The following TMEM65 variants were observed in gnomAD, a reference collection of about 807,000 sequenced individuals.
TMEM65 encodes transmembrane protein 65.
A neutral mutation model predicts 25.4 loss-of-function variants in TMEM65; 22 were observed. The ratio of observed to expected loss-of-function variants is 0.86; its 90% confidence interval spans 0.62 to 1.23. The LOEUF is 1.23. TMEM65 is among the 50% of genes most tolerant of loss of function. The pLI, the probability that TMEM65 is intolerant of heterozygous loss-of-function variation, is 0.00. For synonymous variants in TMEM65, 132 were observed against 126.2 expected, an observed-to-expected ratio of 1.05 and a Z score of -0.31; for missense variants, 262 against 308.2, an observed-to-expected ratio of 0.85 and a Z score of 1.12.
chr8:124,338,920 G>A (rs1028599945), intron 1 of TMEM65, among the ~76,000 whole-genome samples: 10 of 151,976 alleles, frequency 6.6e-5, no homozygotes, highest in Non-Finnish European at 1.3e-4. Flanking sequence ...GCCAGGCCTG[G>A]TGGCTCACGC....
chr8:124,331,418 T>C (rs1814430794), intron 1 of TMEM65, among the ~76,000 whole-genome samples: 1 of 148,440 alleles, frequency 6.7e-6, no homozygotes, highest in Non-Finnish European at 1.5e-5. Flanking sequence ...TATATTGATA[T>C]ATAATATAAC....
chr8:124,327,671 AACACACACACACACAC>A (rs71289656), intron 2 of TMEM65, among the ~76,000 whole-genome samples: 4 of 148,612 alleles, frequency 2.7e-5, no homozygotes, highest in Non-Finnish European at 4.5e-5. Flanking sequence ...TCTTACTGGT[AACACACACACACACAC>A]ACACACACAC....
chr8:124,361,205 G>A (rs988713534), intron 1 of TMEM65, among the ~76,000 whole-genome samples: 11 of 151,916 alleles, frequency 7.2e-5, no homozygotes, highest in South Asian at 2.1e-4. Context: ...AGGCCGAGGC[G>A]GGTAGGTCAC....
intron 1 of TMEM65, among the ~76,000 whole-genome samples, chr8:124,341,813 T>A (rs545616514): frequency 6.6e-6 from 1 of 151,970 alleles, no homozygotes; most frequent in African/African-American, 2.4e-5. Flanking sequence ...CAAACTTAGA[T>A]TCTTAATAAA....
intron 1 of TMEM65, among the ~76,000 whole-genome samples, chr8:124,357,829 C>CTTTTTTTTTTT (rs35830531): frequency 1.2e-4 from 13 of 105,842 alleles, no homozygotes; most frequent in Non-Finnish European, 1.9e-4. Context: ...ACTTTTTTAT[C>CTTTTTTTTTTT]TTTTTTTTTT....
Position 124,307,056 on chromosome 8 carries a change from T to C in TMEM65, c.*6904A>G, listed in dbSNP as rs1399284995. The C allele has an allele frequency of 6.6e-6, 1 of 152,208 alleles. No homozygotes were observed. Among genetic ancestry groups the C allele is most frequent in the African/African-American group, 2.4e-5 (1 of 41,440 alleles). The allele number at this position is 152,208 out of a possible 1,614,324, so 9.4% of individuals were successfully genotyped here. ...TAAAGATGCAGTACTAAATTACAAC[T>C]GGATAAGATTAACTATAGTACATAC... On this transcript the variant is annotated 3_prime_UTR_variant, in exon 7 of 7. Transcript: ENST00000297632.
rs1026699273 is a variant in TMEM65, at chr8:124,310,378, G to A, written c.*3582C>T. 1 of 152,094 alleles carries A rather than the reference G, an allele frequency of 6.6e-6. No homozygotes were observed. Among genetic ancestry groups the A allele is most frequent in the Admixed American group, 6.5e-5 (1 of 15,274 alleles). The allele number at this position is 152,094 out of a possible 1,614,324, so 9.4% of individuals were successfully genotyped here. ...AAGAAAATGACTCCATGAATCTGGA[G>A]GTAAAAAGGAACCTAGGCAGAGAGC... is the stretch of plus-strand genomic sequence containing the variant. On this transcript the variant is annotated 3_prime_UTR_variant, in exon 7 of 7. Coordinates refer to ENST00000297632, the MANE Select transcript of TMEM65 (RefSeq NM_194291.3).
At chr8:124,336,876 ACT>A (rs1814514762) in intron 1 of TMEM65, among the ~76,000 whole-genome samples, 1 of 151,748 alleles carries the variant, frequency 6.6e-6, no homozygotes, top group South Asian at 2.1e-4. Context: ...AATTAATAAG[ACT>A]CTAGCTATAC....
chr8:124,348,100 G>A (rs528657294), intron 1 of TMEM65, among the ~76,000 whole-genome samples: 94 of 152,030 alleles, frequency 6.2e-4, no homozygotes, highest in African/African-American at 2.1e-3. Context: ...GGCATGCGCC[G>A]CCATACCTGG....
intron 2 of TMEM65, 57 bp downstream of exon 2, chr8:124,330,691 G>A: frequency 6.6e-7 from 1 of 1,512,776 alleles, no homozygotes; most frequent in Non-Finnish European, 9.1e-7. Flanking sequence ...GAATGATACA[G>A]TTATTTCAAG....
chr8:124,320,288 A>C (rs1256997127), intron 5 of TMEM65, 97 bp from the exon 6 acceptor site: 1 of 848,178 alleles, frequency 1.2e-6, no homozygotes, highest in Admixed American at 3.2e-5. Context: ...GACAAAATAT[A>C]GGTTTTTAAA....
intron 6 of TMEM65, among the ~76,000 whole-genome samples, chr8:124,318,901 C>T (rs79897723): frequency 8.6e-4 from 131 of 152,284 alleles, no homozygotes; most frequent in African/African-American, 3.0e-3. Flanking sequence ...CATCCTAGCA[C>T]TCCTAGCCTC....
intron 1 of TMEM65, among the ~76,000 whole-genome samples, chr8:124,344,577 C>T (rs1213412280): frequency 6.6e-6 from 1 of 152,178 alleles, no homozygotes; most frequent in Non-Finnish European, 1.5e-5. Flanking sequence ...TCCTGCTGCA[C>T]TTGCATAAAT....
intron 6 of TMEM65, among the ~76,000 whole-genome samples, chr8:124,315,348 GTCTC>G (rs1814222482): frequency 1.3e-5 from 2 of 150,506 alleles, no homozygotes; most frequent in Non-Finnish European, 2.9e-5. Flanking sequence ...TTGAGACGGA[GTCTC>G]TCTCTGTGGC....
Position 124,371,945 on chromosome 8 carries a change from G to C in TMEM65, c.213C>G (p.Gly71=). 1 of 1,516,344 alleles carries C rather than the reference G, an allele frequency of 6.6e-7. No homozygotes were observed. The highest frequency in any genetic ancestry group is 8.8e-7 in the Non-Finnish European group (1 of 1,135,602). 93.9% of individuals were successfully genotyped at this position (1,516,344 alleles called of 1,614,324 possible). A position where few individuals can be genotyped will look rare whatever the true frequency, so the allele number is the denominator to read the frequency against. ...GCAGGCTGTAGATGAAGTCGCGCGC[G>C]CCCTGCGCCGTGTTCAGCGCCTCCA... The part of the protein sequence containing the change: ...EPMEALNTAQ[G]ARDFIYSLHS... The change falls in exon 1 of 7, where the codon GGC becomes GGG. Residue 71 remains glycine (G), a synonymous_variant. Coordinates refer to ENST00000297632, the MANE Select transcript of TMEM65 (RefSeq NM_194291.3).
chr8:124,313,072 A>G lies in TMEM65; in HGVS notation c.*888T>C, dbSNP rs1814185042. The G allele has an allele frequency of 6.6e-6, 1 of 151,974 alleles. No individual in the cohort carries two copies. Among genetic ancestry groups the G allele is most frequent in the South Asian group, 2.1e-4 (1 of 4,818 alleles). The allele number at this position is 151,974 out of a possible 1,614,324, so 9.4% of individuals were successfully genotyped here. A position where few individuals can be genotyped will look rare whatever the true frequency, so the allele number is the denominator to read the frequency against. On this transcript the variant is annotated 3_prime_UTR_variant, in exon 7 of 7. Coordinates refer to ENST00000297632, the MANE Select transcript of TMEM65 (RefSeq NM_194291.3). ...CATTTATACCATAAACCTTCTTGAC[A>G]GTTCCTATTTTCCACCTTTTTTTAA...
intron 1 of TMEM65, among the ~76,000 whole-genome samples, chr8:124,346,330 G>A (rs1814640258): frequency 6.6e-6 from 1 of 151,914 alleles, no homozygotes. Context: ...ATTTGAGTGG[G>A]GACACAGAGT....
intron 2 of TMEM65, among the ~76,000 whole-genome samples, chr8:124,330,369 C>A (rs1219105556): frequency 6.6e-6 from 1 of 151,844 alleles, no homozygotes; most frequent in Non-Finnish European, 1.5e-5. Flanking sequence ...GAAACATTTT[C>A]TCTACCAGAG....
At chr8:124,352,008 C>T (rs1327543146) in intron 1 of TMEM65, among the ~76,000 whole-genome samples, 1 of 152,192 alleles carries the variant, frequency 6.6e-6, no homozygotes, top group Non-Finnish European at 1.5e-5. Flanking sequence ...GGAGGAAACA[C>T]ACCTACATGC....
Sources: gnomAD v4.1 joint callset for allele counts (sites outside exome capture counted in the v4.1 genomes callset) on GRCh38, gnomAD v4.1.1 for gene constraint, MANE v1.5 for transcripts, NCBI Gene and HGNC (gene_info 2026-07-23, HGNC 2026-07-21) for gene names.